The following ARL13B variants were observed in gnomAD, a reference collection of about 807,000 sequenced individuals.
ARL13B encodes ARF like GTPase 13B.
In ARL13B, 36 loss-of-function variants were observed where a neutral mutation model predicts 56.1. That is an observed-to-expected ratio of 0.64 (90% confidence interval 0.49 to 0.85). The LOEUF is 0.85. Ranked by LOEUF, ARL13B falls within the 40% of genes least tolerant of loss-of-function variation. ARL13B has a pLI of 0.00. For missense variants in ARL13B, 519 were observed against 507.1 expected (o/e 1.02, Z -0.23); for synonymous variants, 178 against 171.1 (o/e 1.04, Z -0.32).
At chr3:93,999,032 A>T (rs1391259899) in intron 2 of ARL13B, among the ~76,000 whole-genome samples, 1 of 151,324 alleles carries the variant, frequency 6.6e-6, no homozygotes, top group Admixed American at 6.6e-5. Context: ...GCTAAATCCA[A>T]ACCCTCAGTT....
chr3:93,985,027 A>ATCAG (rs1181171520), intron 1 of ARL13B, among the ~76,000 whole-genome samples: 2 of 151,942 alleles, frequency 1.3e-5, no homozygotes, highest in Non-Finnish European at 2.9e-5. Context: ...CAATCAATCA[A>ATCAG]TCAATCAATA....
chr3:94,049,418 AG>A lies in ARL13B; in HGVS notation c.1038del (p.Thr348LeufsTer4). 1 of 1,600,820 alleles carries A rather than the reference AG, an allele frequency of 6.2e-7. No homozygotes were observed. Among genetic ancestry groups the A allele is most frequent in the Non-Finnish European group, 8.5e-7 (1 of 1,171,426 alleles). ...TATATTCTTGTAGCTAATGGTAAAA[AG>A]AAAACTAAGAAACTAAGAATGAAAA... The part of the protein sequence containing the change: ...RPSLESANGK[K>X]KTKKLRMKRN... On this transcript the variant is annotated frameshift_variant, in exon 8 of 10. Transcript: ENST00000394222. LOFTEE classifies it high-confidence loss of function.
chr3:94,023,638 C>T (rs142845649), intron 3 of ARL13B, among the ~76,000 whole-genome samples: 144 of 152,182 alleles, frequency 9.5e-4, no homozygotes, highest in African/African-American at 3.4e-3. Context: ...AGTGACTTGC[C>T]TAAGGCCACA....
rs919285222 is a variant in ARL13B at position 94,040,066 on chromosome 3, A to G, written c.798+78A>G. The G allele has an allele frequency of 8.0e-6, 10 of 1,250,954 alleles. 1 individual carries two copies. In the South Asian group the frequency reaches 1.0e-4, roughly 13 times the overall value. The allele number at this position is 1,250,954 out of a possible 1,614,324, so 77.5% of individuals were successfully genotyped here. Reference sequence around the variant, plus strand: ...TGGAAAAGAAGGTGGAAAGTTGGGAAAGGAGGCAGGGAAACAGATGTGTTT... The same window carrying G: ...TGGAAAAGAAGGTGGAAAGTTGGGAGAGGAGGCAGGGAAACAGATGTGTTT... On this transcript the variant is annotated intron_variant, in intron 6 of 9. Transcript: ENST00000394222.
intron 1 of ARL13B, chr3:93,988,814 T>A: frequency 4.9e-6 from 2 of 408,314 alleles, no homozygotes; most frequent in South Asian, 3.8e-5. Flanking sequence ...ATCTGAAGAT[T>A]TAGCCTTTCC....
At chr3:93,996,231 T>G (rs1047807316) in intron 2 of ARL13B, among the ~76,000 whole-genome samples, 1 of 152,182 alleles carries the variant, frequency 6.6e-6, no homozygotes, top group Non-Finnish European at 1.5e-5. Context: ...AAGGAAAATT[T>G]AAAAAGATGA....
chr3:94,019,726 T>A (rs2076409543), intron 3 of ARL13B, among the ~76,000 whole-genome samples: 1 of 152,182 alleles, frequency 6.6e-6, no homozygotes, highest in Non-Finnish European at 1.5e-5. Context: ...AGCTCCACAA[T>A]GACTTCACCC....
chr3:94,038,082 A>T (rs545301790), intron 5 of ARL13B, among the ~76,000 whole-genome samples: 1 of 152,316 alleles, frequency 6.6e-6, no homozygotes, highest in South Asian at 2.1e-4. Context: ...AGTCATTTCT[A>T]GTGTTTTTGA....
chr3:94,045,459 AAAAG>A lies in ARL13B; in HGVS notation c.1024+2231_1024+2234del, dbSNP rs574914254. 9.7e-4 allele frequency among the ~76,000 whole-genome samples: 147 copies of A among 151,826 alleles called. 2 individuals carry two copies. The highest frequency in any genetic ancestry group is 6.6e-3 in the East Asian group (34 of 5,164). ...GATCAATAAATACTAAAAAAAAAAA[AAAAG>A]AAAGAAAGAAAAAAAAGAGTTAAAA... On this transcript the variant is annotated intron_variant, in intron 7 of 9. Transcript: ENST00000394222.
At chr3:93,988,458 A>G (rs1182263004) in intron 1 of ARL13B, among the ~76,000 whole-genome samples, 1 of 152,242 alleles carries the variant, frequency 6.6e-6, no homozygotes, top group African/African-American at 2.4e-5. Flanking sequence ...ATAAACAACC[A>G]GAGAATTATT....
At chr3:94,014,442 T>G in intron 3 of ARL13B, 3 of 1,595,136 alleles carry the variant, frequency 1.9e-6, no homozygotes, top group Non-Finnish European at 2.6e-6. Context: ...AAGGATTTCT[T>G]TTTTTGTATT....
chr3:94,042,908 T>C (rs1427240583), intron 6 of ARL13B, 107 bp from the exon 7 acceptor site: 3 of 835,004 alleles, frequency 3.6e-6, no homozygotes, highest in African/African-American at 1.7e-5. Context: ...AGTCTCACAG[T>C]GTCCTTGAAG....
At chr3:94,046,402 A>T (rs890839076) in intron 7 of ARL13B, among the ~76,000 whole-genome samples, 3 of 152,054 alleles carry the variant, frequency 2.0e-5, no homozygotes, top group African/African-American at 7.2e-5. Flanking sequence ...TGAATATAAT[A>T]TATTCCTTTA....
chr3:94,037,911 C>T (rs574107591), intron 5 of ARL13B, among the ~76,000 whole-genome samples: 57 of 152,166 alleles, frequency 3.7e-4, no homozygotes, highest in Admixed American at 1.4e-3. Flanking sequence ...CCCTTTCTTT[C>T]TTTCTCTTTA....
chr3:94,036,889 C>T (rs1033382293), intron 5 of ARL13B, 135 bp downstream of exon 5: 49 of 1,040,094 alleles, frequency 4.7e-5, no homozygotes, highest in Non-Finnish European at 4.9e-5. Context: ...TTTTGTATTT[C>T]TGTGGATCTT....
At position 94,003,673 on chromosome 3, in the gene ARL13B, G is replaced by A. The variant is rs779572856; in HGVS notation, c.145G>A (p.Val49Ile). 3.1e-6 allele frequency: 5 copies of A among 1,613,280 alleles called. No individual in the cohort carries two copies. Among genetic ancestry groups the A allele is most frequent in the Non-Finnish European group, 4.2e-6 (5 of 1,179,494 alleles). ...ATTTGTAACAGAATACCCTGAAGAT[G>A]TAGCTCCTACTGTTGGATTTTCAAA... ...KGIQGEYPED[V>I]APTVGFSKIN... Residue 49 changes from valine (V) to isoleucine (I), a missense_variant, in exon 3 of 10, where the codon GTA becomes ATA. Transcript: ENST00000394222.
chr3:94,036,080 C>CA (rs951804106), intron 4 of ARL13B, among the ~76,000 whole-genome samples: 7 of 151,550 alleles, frequency 4.6e-5, no homozygotes, highest in Non-Finnish European at 8.8e-5. Context: ...CTCTAAAAAA[C>CA]AAAAAAAGAA....
chr3:94,002,443 T>G (rs764112400), intron 2 of ARL13B, among the ~76,000 whole-genome samples: 17 of 152,236 alleles, frequency 1.1e-4, no homozygotes, highest in Non-Finnish European at 2.2e-4. Context: ...TTTTAGTTTA[T>G]TTAAATTTAA....
At chr3:94,028,887 C>CT (rs1171318466) in intron 3 of ARL13B, among the ~76,000 whole-genome samples, 1 of 151,846 alleles carries the variant, frequency 6.6e-6, no homozygotes, top group Non-Finnish European at 1.5e-5. Flanking sequence ...GGTGTAAAAG[C>CT]TTTTTTTGTT....
Sources: allele counts gnomAD v4.1 joint callset (sites outside exome capture counted in the v4.1 genomes callset), GRCh38; gene constraint gnomAD v4.1.1; transcripts MANE v1.5; gene names NCBI Gene and HGNC (gene_info 2026-07-23, HGNC 2026-07-21).